The following PLEKHM3 variants were observed in gnomAD, a reference collection of about 807,000 sequenced individuals.
PLEKHM3 encodes pleckstrin homology domain-containing family M member 3.
In PLEKHM3, 45 loss-of-function variants were observed where a neutral mutation model predicts 81.8. That is an observed-to-expected ratio of 0.55 (90% confidence interval 0.43 to 0.71). PLEKHM3 has a LOEUF of 0.71. PLEKHM3 is among the 30% of genes least tolerant of loss of function. The pLI is 0.00. For missense variants in PLEKHM3, 788 were observed against 924.3 expected (o/e 0.85, Z 1.91); for synonymous variants, 352 against 356.4 (o/e 0.99, Z 0.14).
intron 6 of PLEKHM3, 84 bp from the exon 7 acceptor site, chr2:207,861,346 C>G: frequency 7.3e-7 from 1 of 1,366,392 alleles, no homozygotes; most frequent in Non-Finnish European, 9.9e-7. Flanking sequence ...GAATTCCTTT[C>G]CTTTACACAA....
chr2:207,863,770 C>A (rs2092480961), intron 6 of PLEKHM3, among the ~76,000 whole-genome samples: 2 of 152,284 alleles, frequency 1.3e-5, no homozygotes, highest in South Asian at 4.1e-4. Flanking sequence ...CCATTCACTG[C>A]CTCTAATTCC....
intron 4 of PLEKHM3, among the ~76,000 whole-genome samples, chr2:207,931,378 C>T (rs781641029): frequency 5.9e-5 from 9 of 152,142 alleles, no homozygotes; most frequent in Non-Finnish European, 8.8e-5. Context: ...TGTGACAGAA[C>T]GGCACAGTAT....
intron 6 of PLEKHM3, among the ~76,000 whole-genome samples, chr2:207,889,958 C>G (rs1203175752): frequency 6.6e-6 from 1 of 152,120 alleles, no homozygotes; most frequent in African/African-American, 2.4e-5. Context: ...GGCCTACCAC[C>G]ACACCTGGCT....
At chr2:207,946,273 C>G (rs997154610) in intron 4 of PLEKHM3, 94 bp downstream of exon 4, 1 of 1,412,410 alleles carries the variant, frequency 7.1e-7, no homozygotes, top group African/African-American at 1.4e-5. Flanking sequence ...ATCATATCTG[C>G]TTCAAATTGT....
At position 207,843,267 on chromosome 2, in the gene PLEKHM3, C is replaced by G. The variant is rs2092364642; in HGVS notation, c.2109-14771G>C. 6.6e-6 allele frequency among the ~76,000 whole-genome samples: 1 copy of G among 152,116 alleles called. No homozygotes were observed. The highest frequency in any genetic ancestry group is 2.4e-5 in the African/African-American group (1 of 41,426). ...TTGAGCCACCGCACCAGGGGCTTTT[C>G]CTTTTCATTGTCTTTGGGTAGCAGC... On this transcript the variant is annotated intron_variant, in intron 7 of 7. Transcript: ENST00000427836. This position sits in a 1 kb window ranked among gnomAD's most constrained non-coding sequence, Gnocchi z 4.4.
At chr2:207,958,202 T>C (rs1245489683) in intron 3 of PLEKHM3, among the ~76,000 whole-genome samples, 3 of 152,060 alleles carry the variant, frequency 2.0e-5, no homozygotes, top group Non-Finnish European at 2.9e-5. Context: ...TAAAAAATTA[T>C]TTATGCTGGT....
At chr2:207,916,077 C>T (rs1330359362) in intron 5 of PLEKHM3, among the ~76,000 whole-genome samples, 4 of 152,166 alleles carry the variant, frequency 2.6e-5, no homozygotes, top group Non-Finnish European at 2.9e-5. Context: ...GCACATATTT[C>T]GATAGCAGCC....
chr2:207,880,808 AAAAAAAAC>A lies in PLEKHM3; in HGVS notation c.1951-19554_1951-19547del, dbSNP rs1220945588. Among the ~76,000 whole-genome samples the A allele has an allele frequency of 6.0e-4, 86 of 144,030 alleles. 1 individual carries two copies. The East Asian group carries it at 9.9e-3, about 17-fold the overall frequency. 94.5% of individuals were successfully genotyped at this position (144,030 alleles called of 152,430 possible). A position where few individuals can be genotyped will look rare whatever the true frequency, so the allele number is the denominator to read the frequency against. On this transcript the variant is annotated intron_variant, in intron 6 of 7. Transcript: ENST00000427836. ...AAAAAACCAAAAAAACAAACAAACAAAAAAAAACAAAAAAACAAATAAAAAATAGATAT... is the reference window on the plus strand; with the variant it reads ...AAAAAACCAAAAAAACAAACAAACAAAAAAAAACAAATAAAAAATAGATAT...
At chr2:207,921,993 T>C (rs1030320909) in intron 5 of PLEKHM3, among the ~76,000 whole-genome samples, 1 of 152,238 alleles carries the variant, frequency 6.6e-6, no homozygotes, top group African/African-American at 2.4e-5. Context: ...CTTTTGGCTA[T>C]ACACCCAGTA....
chr2:207,917,171 A>G (rs1689020399), intron 5 of PLEKHM3, among the ~76,000 whole-genome samples: 2 of 152,218 alleles, frequency 1.3e-5, no homozygotes, highest in Admixed American at 1.3e-4. Context: ...GACATCCTTT[A>G]TTTCTGAGTC....
In PLEKHM3 at chr2:207,974,689, C is replaced by T. The variant is rs1427986059; in HGVS notation, c.1546+1962G>A. On this transcript the variant is annotated intron_variant, in intron 3 of 7. Coordinates refer to ENST00000427836, the MANE Select transcript of PLEKHM3 (RefSeq NM_001080475.3). Reference sequence around the variant, plus strand: ...TAAAAATATATGTACTAGTATAAGACACTGAAATGTCAGTAATTTCTATTT... The same window carrying T: ...TAAAAATATATGTACTAGTATAAGATACTGAAATGTCAGTAATTTCTATTT... Among the ~76,000 whole-genome samples, 3 of 152,130 alleles carry T rather than the reference C, an allele frequency of 2.0e-5. No individual in the cohort carries two copies. The East Asian group carries it at 5.8e-4, about 29-fold the overall frequency.
chr2:207,967,180 A>T (rs1260525873), intron 3 of PLEKHM3, among the ~76,000 whole-genome samples: 1 of 151,986 alleles, frequency 6.6e-6, no homozygotes, highest in Non-Finnish European at 1.5e-5. Flanking sequence ...TTTTTGGTGG[A>T]GACAGGGTCT....
intron 6 of PLEKHM3, among the ~76,000 whole-genome samples, chr2:207,878,454 C>T (rs923777932): frequency 6.6e-6 from 1 of 152,046 alleles, no homozygotes; most frequent in Non-Finnish European, 1.5e-5. Flanking sequence ...ACTAAAAATA[C>T]AAAATTAGCC....
intron 6 of PLEKHM3, among the ~76,000 whole-genome samples, chr2:207,865,781 CAA>C (rs71412445): frequency 1.6e-3 from 6 of 3,796 alleles, no homozygotes; most frequent in Admixed American, 4.6e-3. Flanking sequence ...AACTCCGACT[CAA>C]AAAAAAAAAA....
intron 6 of PLEKHM3, among the ~76,000 whole-genome samples, chr2:207,872,280 A>G (rs1322064690): frequency 6.6e-6 from 1 of 152,234 alleles, no homozygotes; most frequent in Non-Finnish European, 1.5e-5. Context: ...GTTCCTGCAC[A>G]GAAGCAGGAT....
At chr2:207,863,300 A>G (rs1340340710) in intron 6 of PLEKHM3, among the ~76,000 whole-genome samples, 1 of 152,156 alleles carries the variant, frequency 6.6e-6, no homozygotes, top group African/African-American at 2.4e-5. Flanking sequence ...CCTCCCCATC[A>G]TGAACCATGA....
chr2:207,959,350 T>C (rs1460920141), intron 3 of PLEKHM3, among the ~76,000 whole-genome samples: 1 of 152,226 alleles, frequency 6.6e-6, no homozygotes, highest in Non-Finnish European at 1.5e-5. Context: ...CTCTCTTTTA[T>C]GATTGCTTCA....
intron 1 of PLEKHM3, among the ~76,000 whole-genome samples, chr2:208,018,395 G>GAAAA (rs75422528): frequency 7.9e-6 from 1 of 125,960 alleles, no homozygotes; most frequent in Non-Finnish European, 1.7e-5. Context: ...GAAAAGAAAA[G>GAAAA]AAAAAAAAAA....
chr2:208,003,657 T>C (rs1313678641), intron 1 of PLEKHM3, among the ~76,000 whole-genome samples: 1 of 152,254 alleles, frequency 6.6e-6, no homozygotes, highest in Non-Finnish European at 1.5e-5. Flanking sequence ...TTTTTAGAGA[T>C]ATACATTAGT....
Sources: gnomAD v4.1 joint callset for allele counts (sites outside exome capture counted in the v4.1 genomes callset) on GRCh38, gnomAD v4.1.1 for gene constraint, Gnocchi (gnomAD v3.1) non-coding constraint, MANE v1.5 for transcripts, NCBI Gene and HGNC (gene_info 2026-07-23, HGNC 2026-07-21) for gene names.